Variants in GASK1A observed in about 807,000 individuals in gnomAD.
GASK1A encodes the protein Golgi-associated kinase 1A.
In GASK1A, 40 loss-of-function variants were observed where a neutral mutation model predicts 41.2. The observed-to-expected ratio is 0.97, with a 90% CI of 0.75 to 1.27. The LOEUF is 1.27. Ranked by LOEUF, GASK1A falls within the 50% of genes most tolerant of loss-of-function variation. The pLI is 0.00. For synonymous variants in GASK1A, 316 were observed against 307.1 expected (o/e 1.03, Z -0.30); for missense variants, 678 against 745.1 (o/e 0.91, Z 1.05).
chr3:43,029,282 G>T (rs775738363), intron 1 of GASK1A, among the ~76,000 whole-genome samples: 3 of 152,086 alleles, frequency 2.0e-5, no homozygotes, highest in African/African-American at 7.2e-5. Context: ...TGTGTCTCCC[G>T]GTGGTGACTG....
intron 2 of GASK1A, among the ~76,000 whole-genome samples, chr3:43,052,882 C>T (rs1443780706): frequency 6.6e-6 from 1 of 152,214 alleles, no homozygotes; most frequent in Non-Finnish European, 1.5e-5. Context: ...CTGAAGAAAG[C>T]ATCCCGGAAG....
chr3:43,046,710 A>G (rs564890147), intron 2 of GASK1A, among the ~76,000 whole-genome samples: 2 of 152,340 alleles, frequency 1.3e-5, no homozygotes, highest in South Asian at 4.1e-4. Flanking sequence ...AGAGGTCTTC[A>G]TGGCAACCAT....
intron 1 of GASK1A, among the ~76,000 whole-genome samples, chr3:43,013,059 G>A (rs1429694882): frequency 1.3e-5 from 2 of 151,550 alleles, no homozygotes; most frequent in Non-Finnish European, 2.9e-5. Flanking sequence ...GGAAGTCACA[G>A]GGAGGGGCAG....
At chr3:43,007,802 A>G (rs1474742783) in intron 1 of GASK1A, among the ~76,000 whole-genome samples, 4 of 152,238 alleles carry the variant, frequency 2.6e-5, no homozygotes, top group Non-Finnish European at 5.9e-5. Context: ...TAGCTGAACA[A>G]CAGCATTACT....
chr3:42,991,683 G>T (rs567484327), intron 1 of GASK1A, among the ~76,000 whole-genome samples: 5 of 152,360 alleles, frequency 3.3e-5, no homozygotes, highest in African/African-American at 9.6e-5. Context: ...GAGGCTGCAG[G>T]CAGTTTGAGG....
intron 1 of GASK1A, among the ~76,000 whole-genome samples, chr3:43,003,783 A>G (rs1055123518): frequency 1.3e-5 from 2 of 152,234 alleles, no homozygotes; most frequent in Non-Finnish European, 2.9e-5. Context: ...ATGTAGTATT[A>G]CATGCTTCTA....
At chr3:42,999,109 T>G (rs1479540923) in intron 1 of GASK1A, among the ~76,000 whole-genome samples, 1 of 152,178 alleles carries the variant, frequency 6.6e-6, no homozygotes, top group Non-Finnish European at 1.5e-5. Context: ...TCTCTTTTCC[T>G]TTTCTTTCCC....
chr3:43,026,817 T>TA (rs34337182), intron 1 of GASK1A, among the ~76,000 whole-genome samples: 83,220 of 151,772 alleles, frequency 0.55, 23,241 homozygotes, highest in South Asian at 0.68. Context: ...AAGAAAAAAG[T>TA]AAAATAAAGT....
rs2089625071 is a variant in GASK1A at position 43,039,543 on chromosome 3, C to G, written c.1290+5990C>G. Reference sequence around the variant, plus strand: ...TATGTATTTTTTAAACTTGTATGTTCAGGGGTACATGTGCAGGTTTGTTAT... The same window carrying G: ...TATGTATTTTTTAAACTTGTATGTTGAGGGGTACATGTGCAGGTTTGTTAT... On this transcript the variant is annotated intron_variant, in intron 2 of 4. Transcript: ENST00000430121. Among the ~76,000 whole-genome samples, 3 of 152,098 alleles carry G rather than the reference C, an allele frequency of 2.0e-5. No individual in the cohort carries two copies. The South Asian group carries it at 6.2e-4, about 32-fold the overall frequency.
chr3:43,055,645 C>T (rs940061432), intron 4 of GASK1A, 110 bp downstream of exon 4: 2 of 769,752 alleles, frequency 2.6e-6, no homozygotes, highest in African/African-American at 1.7e-5. Flanking sequence ...GTCCATCAGA[C>T]AGAAGTTATT....
intron 3 of GASK1A, chr3:43,053,847 C>A: frequency 1.4e-6 from 1 of 712,830 alleles, no homozygotes; most frequent in East Asian, 2.9e-5. Flanking sequence ...AAGAATGTGC[C>A]TGAGGAGGGG....
At chr3:43,038,748 A>G (rs2125688621) in intron 2 of GASK1A, among the ~76,000 whole-genome samples, 1 of 152,328 alleles carries the variant, frequency 6.6e-6, no homozygotes, top group South Asian at 2.1e-4. Context: ...TGAAATCAGA[A>G]TCACTTCTTA....
intron 3 of GASK1A, 127 bp downstream of exon 3, chr3:43,053,770 C>A: frequency 9.4e-7 from 1 of 1,059,828 alleles, no homozygotes; most frequent in Non-Finnish European, 1.4e-6. Flanking sequence ...TTCTTTTCAG[C>A]AGCAGAACCA....
intron 1 of GASK1A, among the ~76,000 whole-genome samples, chr3:42,998,727 C>T (rs1304616568): frequency 6.6e-6 from 1 of 152,134 alleles, no homozygotes; most frequent in Admixed American, 6.5e-5. Context: ...CTTCCTCCCA[C>T]CTGCTTACTC....
intron 1 of GASK1A, among the ~76,000 whole-genome samples, chr3:43,008,015 A>G (rs2089445299): frequency 6.6e-6 from 1 of 152,222 alleles, no homozygotes; most frequent in African/African-American, 2.4e-5. Context: ...GAAGAAAGGC[A>G]GGTGGAGAAA....
chr3:43,047,188 G>A (rs1312791612), intron 2 of GASK1A, among the ~76,000 whole-genome samples: 1 of 152,208 alleles, frequency 6.6e-6, no homozygotes, highest in African/African-American at 2.4e-5. Flanking sequence ...CTGTGCACCT[G>A]GAAAAGCTGC....
intron 2 of GASK1A, among the ~76,000 whole-genome samples, chr3:43,052,206 A>G (rs1043923858): frequency 8.5e-5 from 13 of 152,258 alleles, no homozygotes; most frequent in Admixed American, 3.3e-4. Context: ...TTTCTGTTTC[A>G]TGTGCCGTGA....
At chr3:43,052,551 C>T (rs749607652) in intron 2 of GASK1A, among the ~76,000 whole-genome samples, 16 of 152,144 alleles carry the variant, frequency 1.1e-4, no homozygotes, top group Middle Eastern at 3.2e-3. Flanking sequence ...GAGTTTTCCC[C>T]GGCTTGCCCA....
chr3:43,036,245 C>T (rs914267754), intron 2 of GASK1A, among the ~76,000 whole-genome samples: 1 of 152,206 alleles, frequency 6.6e-6, no homozygotes, highest in Non-Finnish European at 1.5e-5. Flanking sequence ...CCCTGGTTTG[C>T]TGAATGCCAG....
Sources: allele counts gnomAD v4.1 joint callset (sites outside exome capture counted in the v4.1 genomes callset), GRCh38; gene constraint gnomAD v4.1.1; transcripts MANE v1.5; gene names NCBI Gene and HGNC (gene_info 2026-07-23, HGNC 2026-07-21).